The following FAM135B variants were observed in gnomAD, a reference collection of about 807,000 sequenced individuals.
FAM135B encodes family with sequence similarity 135 member B.
Under a neutral mutation model 127.7 loss-of-function variants are expected in FAM135B, and 43 were observed. The observed-to-expected ratio is 0.34, with a 90% CI of 0.26 to 0.43. The LOEUF is 0.43. Ranked by LOEUF, FAM135B falls within the 20% of genes least tolerant of loss-of-function variation. The pLI, the probability that FAM135B is intolerant of heterozygous loss-of-function variation, is 1.00. For synonymous variants in FAM135B, 670 were observed against 665.1 expected, an observed-to-expected ratio of 1.01 and a Z score of -0.11; for missense variants, 1,558 against 1,725.6, an observed-to-expected ratio of 0.90 and a Z score of 1.72.
intron 3 of FAM135B, chr8:138,308,844 C>T (rs1826455076): frequency 7.6e-6 from 2 of 264,348 alleles, no homozygotes; most frequent in African/African-American, 2.3e-5. Flanking sequence ...TTGACGGGAG[C>T]CTGGGCATGG....
chr8:138,400,567 G>T (rs1036565751), intron 1 of FAM135B, among the ~76,000 whole-genome samples: 1 of 152,172 alleles, frequency 6.6e-6, no homozygotes. Flanking sequence ...AAGTAGGTCA[G>T]ACTCCTACTC....
intron 3 of FAM135B, 73 bp downstream of exon 3, chr8:138,310,768 G>T: frequency 1.5e-6 from 2 of 1,365,114 alleles, no homozygotes; most frequent in Non-Finnish European, 1.0e-6. Context: ...GCACTCTGCT[G>T]TGCCCTGGCG....
intron 3 of FAM135B, among the ~76,000 whole-genome samples, chr8:138,285,067 A>C (rs1186775936): frequency 6.6e-6 from 1 of 151,816 alleles, no homozygotes; most frequent in East Asian, 1.9e-4. Flanking sequence ...AATATAGAGA[A>C]GTCAAAGTAT....
At chr8:138,467,261 C>A (rs1053703837) in intron 1 of FAM135B, among the ~76,000 whole-genome samples, 2 of 151,968 alleles carry the variant, frequency 1.3e-5, no homozygotes, top group African/African-American at 4.8e-5. Context: ...AGAACAAGAA[C>A]CTTTAAAATT....
Position 138,197,659 on chromosome 8 carries a change from T to C in FAM135B, c.680A>G (p.Tyr227Cys). 2 of 1,613,856 alleles carry C rather than the reference T, an allele frequency of 1.2e-6. No homozygotes were observed. Among genetic ancestry groups the C allele is most frequent in the African/African-American group, 1.3e-5 (1 of 75,044 alleles). Residue 227 changes from tyrosine (Y) to cysteine (C), a missense_variant, in exon 8 of 20, where the codon TAC (tyrosine) becomes TGC (cysteine). Coordinates refer to ENST00000395297, the MANE Select transcript of FAM135B (RefSeq NM_015912.4). ...CKPTSSEGSF[Y>C]ITSENCMQHA... ...CTGCATGCAGTTCTCAGAGGTGATG[T>C]AGAAGCTTCCCTAAGGGGTGAAACA...
intron 7 of FAM135B, among the ~76,000 whole-genome samples, chr8:138,216,334 A>G (rs1586798215): frequency 1.3e-5 from 2 of 152,330 alleles, no homozygotes; most frequent in East Asian, 3.9e-4. Context: ...CTATCTTTTA[A>G]TAACATTCAC....
At chr8:138,222,804 T>C (rs1041422841) in intron 7 of FAM135B, among the ~76,000 whole-genome samples, 5 of 151,600 alleles carry the variant, frequency 3.3e-5, no homozygotes, top group Non-Finnish European at 7.4e-5. Flanking sequence ...GCTCAATGAA[T>C]AATTATTCTT....
chr8:138,188,580 C>T (rs1171862356), intron 9 of FAM135B, among the ~76,000 whole-genome samples: 2 of 152,172 alleles, frequency 1.3e-5, no homozygotes. Context: ...CCTCATGGCT[C>T]TCTGTGACTT....
intron 2 of FAM135B, among the ~76,000 whole-genome samples, chr8:138,336,397 A>T (rs1214806813): frequency 6.6e-6 from 1 of 152,212 alleles, no homozygotes; most frequent in African/African-American, 2.4e-5. Flanking sequence ...AGAATCAAAT[A>T]GACGCAATAA....
intron 9 of FAM135B, among the ~76,000 whole-genome samples, chr8:138,186,457 G>T (rs141179249): frequency 1.3e-5 from 2 of 152,236 alleles, no homozygotes; most frequent in East Asian, 1.9e-4. Flanking sequence ...TGGCAGGAGT[G>T]GGGGAGACCA....
intron 14 of FAM135B, among the ~76,000 whole-genome samples, chr8:138,146,325 T>C (rs1227265176): frequency 1.3e-5 from 2 of 152,208 alleles, no homozygotes; most frequent in South Asian, 2.1e-4. Flanking sequence ...ACACTCTGCA[T>C]ACAGGAACAG....
At chr8:138,381,752 C>T (rs534879335) in intron 1 of FAM135B, among the ~76,000 whole-genome samples, 41 of 152,260 alleles carry the variant, frequency 2.7e-4, no homozygotes, top group South Asian at 2.1e-3. Flanking sequence ...GAATTATACC[C>T]GTCTTATTTT....
intron 2 of FAM135B, among the ~76,000 whole-genome samples, chr8:138,324,312 A>C (rs573830267): frequency 6.6e-6 from 1 of 152,236 alleles, no homozygotes. Context: ...AGATCTACGT[A>C]GTATTAGATA....
At chr8:138,412,668 T>C (rs1833929115) in intron 1 of FAM135B, among the ~76,000 whole-genome samples, 1 of 152,256 alleles carries the variant, frequency 6.6e-6, no homozygotes, top group Admixed American at 6.5e-5. Flanking sequence ...TAACTTGCTA[T>C]GGTGCAAATC....
At chr8:138,436,293 C>T (rs1193407137) in intron 1 of FAM135B, among the ~76,000 whole-genome samples, 2 of 152,156 alleles carry the variant, frequency 1.3e-5, no homozygotes, top group African/African-American at 4.8e-5. Context: ...AAAAAAATCA[C>T]ACTTATATGG....
chr8:138,341,023 G>T (rs376199487), intron 2 of FAM135B, among the ~76,000 whole-genome samples: 56 of 152,310 alleles, frequency 3.7e-4, no homozygotes, highest in African/African-American at 1.2e-3. Flanking sequence ...ACCTAGGAGA[G>T]AAACTGAAAC....
At chr8:138,165,840 C>T (rs1051696436) in intron 12 of FAM135B, among the ~76,000 whole-genome samples, 3 of 152,176 alleles carry the variant, frequency 2.0e-5, no homozygotes, top group African/African-American at 7.2e-5. Flanking sequence ...CACTTTATAA[C>T]TGCCATACAC....
chr8:138,429,278 T>C lies in FAM135B; in HGVS notation c.-19-61276A>G, dbSNP rs142064433. ...TGAGTAACACAAGTACAGGACCATG[T>C]CCTATTCACACTTTGAGCCCATGTC... On this transcript the variant is annotated intron_variant, in intron 1 of 19. Transcript: ENST00000395297. Among the ~76,000 whole-genome samples, 92 of 152,320 alleles carry C rather than the reference T, an allele frequency of 6.0e-4. No homozygotes were observed. In the East Asian group the frequency reaches 0.014, roughly 24 times the overall value.
At chr8:138,161,385 CCTTT>C (rs139951737) in intron 12 of FAM135B, among the ~76,000 whole-genome samples, 19,770 of 151,944 alleles carry the variant, frequency 0.13, 1,567 homozygotes, top group African/African-American at 0.22. Context: ...CTGCCTCCCT[CCTTT>C]CTAAGAATTC....
Sources: gnomAD v4.1 joint callset for allele counts (sites outside exome capture counted in the v4.1 genomes callset) on GRCh38, gnomAD v4.1.1 for gene constraint, MANE v1.5 for transcripts, NCBI Gene and HGNC (gene_info 2026-07-23, HGNC 2026-07-21) for gene names.